The following ARL15 variants were observed in gnomAD, a reference collection of about 807,000 sequenced individuals.
The protein encoded by ARL15 is ARF like GTPase 15, also known as ADP-ribosylation factor-like protein 15.
A neutral mutation model predicts 25.2 loss-of-function variants in ARL15; 19 were observed. That is an observed-to-expected ratio of 0.75 (90% confidence interval 0.53 to 1.10). The LOEUF is 1.10. Among genes scored for constraint, ARL15 ranks in the 50% least tolerant of loss-of-function variants. The probability of loss-of-function intolerance (pLI) is 0.00; values close to 1 mark genes in which losing one functional copy is unlikely to be tolerated. For synonymous variants in ARL15, 94 were observed against 86.8 expected (o/e 1.08, Z -0.46); for missense variants, 220 against 246.0 (o/e 0.89, Z 0.71).
At chr5:54,164,043 C>T (rs955796055) in intron 2 of ARL15, among the ~76,000 whole-genome samples, 4 of 151,918 alleles carry the variant, frequency 2.6e-5, no homozygotes, top group African/African-American at 4.8e-5. Context: ...CTTAAAGTCC[C>T]GTTTTATAGG....
At chr5:54,150,029 T>A (rs993637859) in intron 3 of ARL15, among the ~76,000 whole-genome samples, 28 of 152,298 alleles carry the variant, frequency 1.8e-4, no homozygotes, top group African/African-American at 6.5e-4. Flanking sequence ...CCTAAATGGA[T>A]ATCTGTTCTA....
Position 54,054,462 on chromosome 5 carries a change from T to C in ARL15, c.462+58740A>G, listed in dbSNP as rs540358327. 5.3e-5 allele frequency among the ~76,000 whole-genome samples: 8 copies of C among 152,296 alleles called. No individual in the cohort carries two copies. The South Asian group carries it at 1.4e-3, about 28-fold the overall frequency. On this transcript the variant is annotated intron_variant, in intron 4 of 4. Coordinates refer to ENST00000504924, the MANE Select transcript of ARL15 (RefSeq NM_019087.3). The stretch of plus-strand genomic sequence containing the variant: ...AAATATTACACAAAAGTGAAAAATA[T>C]AAACTACATTCAACAATGTGGATGA...
intron 1 of ARL15, among the ~76,000 whole-genome samples, chr5:54,203,480 T>C (rs1313901882): frequency 1.3e-5 from 2 of 152,198 alleles, no homozygotes; most frequent in Non-Finnish European, 2.9e-5. Context: ...CACTATTTGA[T>C]GTCTTTTTAT....
intron 4 of ARL15, among the ~76,000 whole-genome samples, chr5:53,961,746 C>T (rs1366254307): frequency 6.6e-6 from 1 of 152,052 alleles, no homozygotes; most frequent in Non-Finnish European, 1.5e-5. Context: ...TATTATATTT[C>T]TGTGTTTCCT....
At chr5:54,056,528 G>A (rs545035012) in intron 4 of ARL15, among the ~76,000 whole-genome samples, 2 of 151,232 alleles carry the variant, frequency 1.3e-5, no homozygotes, top group Admixed American at 1.3e-4. Flanking sequence ...TACTCGGGAG[G>A]CTGAGGCAGG....
intron 4 of ARL15, among the ~76,000 whole-genome samples, chr5:53,961,626 T>C (rs929425007): frequency 1.3e-5 from 2 of 152,078 alleles, no homozygotes; most frequent in Non-Finnish European, 2.9e-5. Flanking sequence ...ATCCAAATGG[T>C]TGAAGTGAAC....
At chr5:54,157,160 A>G (rs140199747) in intron 2 of ARL15, among the ~76,000 whole-genome samples, 2 of 152,378 alleles carry the variant, frequency 1.3e-5, no homozygotes, top group East Asian at 3.9e-4. Context: ...GGAAATGGTT[A>G]TGGAGCACAT....
chr5:54,226,009 T>C (rs1364502527), intron 1 of ARL15, among the ~76,000 whole-genome samples: 1 of 152,142 alleles, frequency 6.6e-6, no homozygotes, highest in East Asian at 1.9e-4. Context: ...CACACATCAA[T>C]ACTAAGCATT....
rs759661196 is a variant in ARL15, at chr5:54,213,668, A to AT, written c.49-41741dup. The stretch of plus-strand genomic sequence containing the variant: ...TTTTGTTTAGCAAAAATGTTCCCAT[A>AT]TTTTTTTGAGAAGTCTTCCAGTTTT... On this transcript the variant is annotated intron_variant, in intron 1 of 4. Coordinates refer to ENST00000504924, the MANE Select transcript of ARL15 (RefSeq NM_019087.3). Among the ~76,000 whole-genome samples, 11 of 152,230 alleles carry AT rather than the reference A, an allele frequency of 7.2e-5. 1 individual carries two copies. Among genetic ancestry groups the AT allele is most frequent in the Non-Finnish European group, 1.6e-4 (11 of 68,018 alleles).
chr5:53,941,456 G>A (rs913350326), intron 4 of ARL15, among the ~76,000 whole-genome samples: 4 of 152,158 alleles, frequency 2.6e-5, no homozygotes, highest in Admixed American at 6.5e-5. Context: ...AAAAATAAAC[G>A]AAGCAAGGAT....
intron 1 of ARL15, among the ~76,000 whole-genome samples, chr5:54,217,786 T>C (rs1756254223): frequency 6.6e-6 from 1 of 152,182 alleles, no homozygotes; most frequent in South Asian, 2.1e-4. Flanking sequence ...TTGTTAACCA[T>C]TTTATATATT....
chr5:53,898,361 C>G (rs938102805), intron 4 of ARL15, among the ~76,000 whole-genome samples: 1 of 152,070 alleles, frequency 6.6e-6, no homozygotes, highest in African/African-American at 2.4e-5. Flanking sequence ...TCCTCTTCTA[C>G]TTTTTGGAAT....
intron 4 of ARL15, among the ~76,000 whole-genome samples, chr5:53,991,367 C>A (rs1057042981): frequency 4.6e-5 from 7 of 151,916 alleles, no homozygotes; most frequent in Non-Finnish European, 7.4e-5. Flanking sequence ...TATGATGAAA[C>A]TCCATCTCTA....
At chr5:53,986,286 T>C (rs1240006687) in intron 4 of ARL15, among the ~76,000 whole-genome samples, 1 of 152,166 alleles carries the variant, frequency 6.6e-6, no homozygotes, top group Admixed American at 6.5e-5. Context: ...AACAATATAC[T>C]GCTAGAGAGA....
intron 4 of ARL15, among the ~76,000 whole-genome samples, chr5:54,033,206 G>A (rs576016168): frequency 6.6e-5 from 10 of 151,576 alleles, no homozygotes; most frequent in African/African-American, 1.9e-4. Flanking sequence ...CCAGCTACTC[G>A]GGAGGCTGAG....
chr5:53,952,113 A>G (rs971245408), intron 4 of ARL15, among the ~76,000 whole-genome samples: 1 of 152,032 alleles, frequency 6.6e-6, no homozygotes, highest in African/African-American at 2.4e-5. Flanking sequence ...AAATAAAAAA[A>G]ATAGCCAGGC....
chr5:54,134,571 T>A (rs1753540829), intron 3 of ARL15, among the ~76,000 whole-genome samples: 3 of 58,548 alleles, frequency 5.1e-5, no homozygotes, highest in South Asian at 7.5e-4. Flanking sequence ...TGATTAGCTT[T>A]TTTTTTTTTT....
chr5:53,947,167 G>GGGGTGTGTGTGTGTGT (rs752822788), intron 4 of ARL15, among the ~76,000 whole-genome samples: 13 of 123,700 alleles, frequency 1.1e-4, no homozygotes, highest in East Asian at 2.7e-4. Flanking sequence ...AATAAATAAG[G>GGGGTGTGTGTGTGTGT]GTGTGTGTGT....
chr5:54,278,026 A>G (rs1757967976), intron 1 of ARL15, among the ~76,000 whole-genome samples: 1 of 152,184 alleles, frequency 6.6e-6, no homozygotes, highest in Non-Finnish European at 1.5e-5. Context: ...GGGCCGTTCA[A>G]TGTTGGCCAA....
Sources: gnomAD v4.1 joint callset for allele counts (sites outside exome capture counted in the v4.1 genomes callset) on GRCh38, gnomAD v4.1.1 for gene constraint, MANE v1.5 for transcripts, NCBI Gene and HGNC (gene_info 2026-07-23, HGNC 2026-07-21) for gene names.